Variants in SH3PXD2A observed in about 807,000 individuals in gnomAD.
SH3PXD2A encodes SH3 and PX domains 2A, also known as SH3 and PX domain-containing protein 2A.
In SH3PXD2A, 32 loss-of-function variants were observed where a neutral mutation model predicts 115.2. The observed-to-expected ratio is 0.28, with a 90% confidence interval of 0.21 to 0.37. The LOEUF (loss-of-function observed/expected upper bound fraction) is 0.37, where lower values mean the gene tolerates loss of function less well. Among genes scored for constraint, SH3PXD2A ranks in the 10% least tolerant of loss-of-function variants. The pLI is 1.00. For synonymous variants in SH3PXD2A, 610 were observed against 629.1 expected (o/e 0.97, Z 0.45); for missense variants, 1,328 against 1,498.7 (o/e 0.89, Z 1.88).
At chr10:103,821,300 C>T (rs1186151681) in intron 1 of SH3PXD2A, among the ~76,000 whole-genome samples, 3 of 151,656 alleles carry the variant, frequency 2.0e-5, no homozygotes, top group African/African-American at 4.8e-5. Flanking sequence ...AGCTAATTTT[C>T]GTATTTTTAG....
chr10:103,771,764 CACACACACACA>C (rs2038824077), intron 2 of SH3PXD2A, among the ~76,000 whole-genome samples: 1 of 151,820 alleles, frequency 6.6e-6, no homozygotes, highest in African/African-American at 2.4e-5. Flanking sequence ...CACACACACA[CACACACACACA>C]CACACAGACA....
In SH3PXD2A at chr10:103,702,585, C is replaced by CTGTGTGTGTGCGTG. The variant is rs762776150; in HGVS notation, c.399-9543_399-9530dup. On this transcript the variant is annotated intron_variant, in intron 5 of 14. Coordinates refer to ENST00000369774, the MANE Select transcript of SH3PXD2A (RefSeq NM_001394015.1). ...TGCAGGGGCAGGAACAGATGTAAGCCTGTGTGTGTGCGTGTGTGTGTGTGT... is the reference window on the plus strand; with the variant it reads ...TGCAGGGGCAGGAACAGATGTAAGCCTGTGTGTGTGCGTGTGTGTGTGTGCGTGTGTGTGTGTGT... Among the ~76,000 whole-genome samples, 304 of 32,998 alleles carry CTGTGTGTGTGCGTG rather than the reference C, an allele frequency of 9.2e-3. 2 individuals carry two copies. Among genetic ancestry groups the CTGTGTGTGTGCGTG allele is most frequent in the Middle Eastern group, 0.045 (2 of 44 alleles). 21.6% of individuals were successfully genotyped at this position (32,998 alleles called of 152,430 possible).
chr10:103,665,767 G>A lies in SH3PXD2A; in HGVS notation c.472+2841C>T, dbSNP rs922210297. Among the ~76,000 whole-genome samples, 4 of 152,224 alleles carry A rather than the reference G, an allele frequency of 2.6e-5. No homozygotes were observed. Among genetic ancestry groups the A allele is most frequent in the African/African-American group, 9.6e-5 (4 of 41,454 alleles). ...GCCAAGGCCTGCAGAACTAGGGGCTGGAGGAGTCTGCCTGAGTGGGGAGGG... is the reference window on the plus strand; with the variant it reads ...GCCAAGGCCTGCAGAACTAGGGGCTAGAGGAGTCTGCCTGAGTGGGGAGGG... On this transcript the variant is annotated intron_variant, in intron 7 of 14. Coordinates refer to ENST00000369774, the MANE Select transcript of SH3PXD2A (RefSeq NM_001394015.1). The surrounding 1 kb of genome is among the most constrained non-coding windows in gnomAD (Gnocchi z 4.0).
chr10:103,775,987 C>T (rs1466656602), intron 2 of SH3PXD2A, among the ~76,000 whole-genome samples: 3 of 152,208 alleles, frequency 2.0e-5, no homozygotes, highest in Non-Finnish European at 2.9e-5. Flanking sequence ...GAAAGCAGAG[C>T]CATTTCCATC....
intron 6 of SH3PXD2A, 117 bp from the exon 7 acceptor site, chr10:103,668,769 G>T: frequency 2.3e-6 from 2 of 884,972 alleles, no homozygotes; most frequent in South Asian, 2.9e-5. Flanking sequence ...GCCAGCCGCG[G>T]GCGGAAGGCG....
chr10:103,601,031 C>T lies in SH3PXD2A; in HGVS notation c.*785G>A, dbSNP rs536501043. The T allele has an allele frequency of 6.6e-6, 1 of 152,262 alleles. No individual in the cohort carries two copies. Among genetic ancestry groups the T allele is most frequent in the Non-Finnish European group, 1.5e-5 (1 of 68,084 alleles). The allele number at this position is 152,262 out of a possible 1,614,324, so 9.4% of individuals were successfully genotyped here. A position where few individuals can be genotyped will look rare whatever the true frequency, so the allele number is the denominator to read the frequency against. ...AAGGAACTGCCCGCCCAGAAATACC[C>T]AAAATAGTCTGTGCAGATTAGGAAG... On this transcript the variant is annotated 3_prime_UTR_variant, in exon 15 of 15. Transcript: ENST00000369774.
intron 8 of SH3PXD2A, among the ~76,000 whole-genome samples, chr10:103,654,380 C>T (rs986582803): frequency 4.6e-5 from 7 of 152,110 alleles, no homozygotes; most frequent in African/African-American, 1.7e-4. Flanking sequence ...GAGTGACAGT[C>T]CTCAGATACC....
At chr10:103,778,413 AC>A (rs1482454931) in intron 2 of SH3PXD2A, among the ~76,000 whole-genome samples, 1 of 152,028 alleles carries the variant, frequency 6.6e-6, no homozygotes, top group South Asian at 2.1e-4. Flanking sequence ...AGAAGGAGGC[AC>A]CTCCCTTGGC....
chr10:103,787,821 T>G (rs1054187245), intron 2 of SH3PXD2A, among the ~76,000 whole-genome samples: 3 of 152,188 alleles, frequency 2.0e-5, no homozygotes, highest in Non-Finnish European at 2.9e-5. Flanking sequence ...TATACCTAAA[T>G]GGACCACATT....
chr10:103,674,570 C>T (rs565025296), intron 6 of SH3PXD2A, among the ~76,000 whole-genome samples: 6 of 152,290 alleles, frequency 3.9e-5, no homozygotes, highest in African/African-American at 9.6e-5. Context: ...GCCTGTAATC[C>T]TAGTGCTTTG....
rs2036235969 is a variant in SH3PXD2A at position 103,602,640 on chromosome 10, T to C, written c.2578A>G (p.Ser860Gly). ...AYQKVQDSEI[S>G]FPAGVEVQVL... ...TGCACCTCCACGCCCGCGGGGAAGC[T>C]GATCTCCGAGTCCTGGACCTTCTGG... Residue 860 changes from serine (S) to glycine (G), a missense_variant, in exon 15 of 15, where the codon AGC becomes GGC. Transcript: ENST00000369774. The C allele has an allele frequency of 4.3e-6, 7 of 1,614,048 alleles. No homozygotes were observed. Among genetic ancestry groups the C allele is most frequent in the Non-Finnish European group, 5.1e-6 (6 of 1,180,040 alleles).
At chr10:103,724,757 C>T (rs2038220744) in intron 4 of SH3PXD2A, among the ~76,000 whole-genome samples, 1 of 151,990 alleles carries the variant, frequency 6.6e-6, no homozygotes, top group African/African-American at 2.4e-5. Context: ...ACCATCCAAC[C>T]AGCCAGTCAA....
chr10:103,720,780 G>A (rs964171898), intron 5 of SH3PXD2A, among the ~76,000 whole-genome samples: 22 of 152,166 alleles, frequency 1.4e-4, no homozygotes, highest in African/African-American at 2.7e-4. Context: ...CTGACACGTC[G>A]GCAGCCTGTC....
At position 103,735,462 on chromosome 10, in the gene SH3PXD2A, C is replaced by T. The variant is rs141157091; in HGVS notation, c.306+270G>A. Among the ~76,000 whole-genome samples the T allele has an allele frequency of 2.2e-3, 333 of 152,302 alleles. 3 individuals carry two copies. The highest frequency in any genetic ancestry group is 7.8e-3 in the African/African-American group (326 of 41,558). On this transcript the variant is annotated intron_variant, in intron 4 of 14. Coordinates refer to ENST00000369774, the MANE Select transcript of SH3PXD2A (RefSeq NM_001394015.1). ...TTAGCTCCTGAGCTCAGTTCACTTC[C>T]CAGAGGAAGTGACTTAAAACTGTGT...
rs2036587675 is a variant in SH3PXD2A, at chr10:103,620,578, C to T, written c.802+1892G>A. Reference sequence around the variant, plus strand: ...TCTTGTCTAGCTCCTCCACAACCTGCAGCCTGCCTCCCCGACCAGCTCTGC... The same window carrying T: ...TCTTGTCTAGCTCCTCCACAACCTGTAGCCTGCCTCCCCGACCAGCTCTGC... On this transcript the variant is annotated intron_variant, in intron 10 of 14. Transcript: ENST00000369774. This position sits in a 1 kb window ranked among gnomAD's most constrained non-coding sequence, Gnocchi z 5.3. Among the ~76,000 whole-genome samples the T allele has an allele frequency of 6.6e-6, 1 of 152,220 alleles. No individual in the cohort carries two copies. Among genetic ancestry groups the T allele is most frequent in the Admixed American group, 6.5e-5 (1 of 15,286 alleles).
At chr10:103,691,746 C>CCA (rs1365967820) in intron 6 of SH3PXD2A, among the ~76,000 whole-genome samples, 2 of 151,930 alleles carry the variant, frequency 1.3e-5, no homozygotes, top group African/African-American at 4.8e-5. Flanking sequence ...TATATCTCAA[C>CCA]CACACACACA....
intron 10 of SH3PXD2A, among the ~76,000 whole-genome samples, chr10:103,619,105 A>G (rs1219843679): frequency 6.6e-6 from 1 of 152,202 alleles, no homozygotes; most frequent in Non-Finnish European, 1.5e-5. Flanking sequence ...TCTGCTGCAG[A>G]ACTTGGTCAG....
chr10:103,729,255 C>A (rs572688700), intron 4 of SH3PXD2A, among the ~76,000 whole-genome samples: 2 of 152,318 alleles, frequency 1.3e-5, no homozygotes, highest in South Asian at 4.1e-4. Context: ...CTGATCCACT[C>A]CCTCCTGCCT....
chr10:103,634,083 A>T (rs1208475923), intron 8 of SH3PXD2A, among the ~76,000 whole-genome samples: 1 of 152,188 alleles, frequency 6.6e-6, no homozygotes, highest in Non-Finnish European at 1.5e-5. Flanking sequence ...GTAGGAGCGG[A>T]GGCCAGGCCT....
Sources: gnomAD v4.1 joint callset for allele counts (sites outside exome capture counted in the v4.1 genomes callset) on GRCh38, gnomAD v4.1.1 for gene constraint, Gnocchi (gnomAD v3.1) non-coding constraint, MANE v1.5 for transcripts, NCBI Gene and HGNC (gene_info 2026-07-23, HGNC 2026-07-21) for gene names.